The following MED27 variants were observed in gnomAD, a reference collection of about 807,000 sequenced individuals.
The protein encoded by MED27 is mediator of RNA polymerase II transcription subunit 27.
MED27 carries 30 observed loss-of-function variants against 38.2 expected under a neutral mutation model. The observed-to-expected ratio is 0.79, with a 90% confidence interval of 0.59 to 1.07. The LOEUF (loss-of-function observed/expected upper bound fraction) is 1.07. Among genes scored for constraint, MED27 ranks in the 50% least tolerant of loss-of-function variants. The pLI is 0.00. For synonymous variants in MED27, 122 were observed against 153.5 expected (o/e 0.79, Z 1.52); for missense variants, 289 against 397.5 (o/e 0.73, Z 2.32).
In MED27 at chr9:132,059,435, T is replaced by G. The variant is rs138307822; in HGVS notation, c.348+18007A>C. Among the ~76,000 whole-genome samples the G allele has an allele frequency of 7.9e-5, 12 of 152,376 alleles. No homozygotes were observed. The East Asian group carries it at 2.1e-3, about 27-fold the overall frequency. The stretch of plus-strand genomic sequence containing the variant: ...AAATTAATCAAAGTACAAATTGTGC[T>G]GGCAAGCTCTAGTGCCTAGCTTCTC... On this transcript the variant is annotated intron_variant, in intron 2 of 7. Transcript: ENST00000292035.
At chr9:131,993,335 C>T (rs1215533341) in intron 3 of MED27, among the ~76,000 whole-genome samples, 3 of 151,866 alleles carry the variant, frequency 2.0e-5, no homozygotes, top group African/African-American at 7.3e-5. Context: ...GAAATGAATA[C>T]AGGTATTCTT....
chr9:132,016,845 A>G (rs1483668840), intron 2 of MED27, among the ~76,000 whole-genome samples: 1 of 152,106 alleles, frequency 6.6e-6, no homozygotes, highest in African/African-American at 2.4e-5. Flanking sequence ...ATTTGCTCAA[A>G]CAAACAAACA....
At chr9:132,060,018 G>A (rs1454033692) in intron 2 of MED27, among the ~76,000 whole-genome samples, 3 of 152,154 alleles carry the variant, frequency 2.0e-5, no homozygotes, top group Non-Finnish European at 4.4e-5. Flanking sequence ...GGGAGGTCAA[G>A]CAACCTACCC....
At chr9:131,970,482 C>G (rs1589241510) in intron 3 of MED27, among the ~76,000 whole-genome samples, 1 of 152,228 alleles carries the variant, frequency 6.6e-6, no homozygotes, top group Admixed American at 6.5e-5. Context: ...CCCAGTACTA[C>G]AAGAGAAAAC....
At chr9:132,040,549 G>A (rs1451903256) in intron 2 of MED27, among the ~76,000 whole-genome samples, 1 of 152,228 alleles carries the variant, frequency 6.6e-6, no homozygotes, top group Non-Finnish European at 1.5e-5. Flanking sequence ...GGGCAAAAGT[G>A]TGGTGTGGAA....
At chr9:131,882,916 T>A (rs1839073521) in intron 6 of MED27, among the ~76,000 whole-genome samples, 1 of 151,912 alleles carries the variant, frequency 6.6e-6, no homozygotes, top group Non-Finnish European at 1.5e-5. Flanking sequence ...GATACTTTTT[T>A]TTTTTTTTTT....
At chr9:131,910,866 C>T (rs1416501862) in intron 4 of MED27, among the ~76,000 whole-genome samples, 2 of 152,174 alleles carry the variant, frequency 1.3e-5, no homozygotes, top group Non-Finnish European at 2.9e-5. Flanking sequence ...CATTTTCCTT[C>T]GTTCGAAAAT....
rs573681563 is a variant in MED27, at chr9:132,060,669, C to T, written c.348+16773G>A. ...ACAAAATGTTTCAAACATTTCCCAG[C>T]TGGGCGCAGTGGCTCATGCCTGTAA... On this transcript the variant is annotated intron_variant, in intron 2 of 7. Transcript: ENST00000292035. Among the ~76,000 whole-genome samples, 4 of 152,322 alleles carry T rather than the reference C, an allele frequency of 2.6e-5. No homozygotes were observed. In the South Asian group the frequency reaches 8.3e-4, roughly 32 times the overall value.
intron 4 of MED27, among the ~76,000 whole-genome samples, chr9:131,901,044 G>T (rs925499533): frequency 1.4e-5 from 2 of 143,822 alleles, no homozygotes; most frequent in African/African-American, 2.6e-5. Context: ...GAAAGAAAGA[G>T]GGGGAGAGAG....
chr9:131,866,857 T>C (rs1838745167), intron 6 of MED27, among the ~76,000 whole-genome samples: 1 of 152,222 alleles, frequency 6.6e-6, no homozygotes, highest in Non-Finnish European at 1.5e-5. Flanking sequence ...GAACTCCATG[T>C]GAAACCCTGC....
chr9:131,967,444 G>A (rs1339321745), intron 3 of MED27, among the ~76,000 whole-genome samples: 1 of 151,676 alleles, frequency 6.6e-6, no homozygotes, highest in Non-Finnish European at 1.5e-5. Flanking sequence ...TTGCACTTAC[G>A]GCAGAGTCTC....
At position 131,894,810 on chromosome 9, in the gene MED27, G is replaced by A. The variant is rs538582511; in HGVS notation, c.574-818C>T. On this transcript the variant is annotated intron_variant, in intron 4 of 7. Coordinates refer to ENST00000292035, the MANE Select transcript of MED27 (RefSeq NM_004269.4). ...CTTGAAATTTTATCCCCAATGTGGT[G>A]TTGGGAGGTGGGGCCTAGTGGGGGG... is the stretch of plus-strand genomic sequence containing the variant. Among the ~76,000 whole-genome samples the A allele has an allele frequency of 3.2e-4, 49 of 152,244 alleles. 1 individual carries two copies. The highest frequency in any genetic ancestry group is 3.1e-3 in the Admixed American group (47 of 15,296).
intron 3 of MED27, among the ~76,000 whole-genome samples, chr9:132,009,894 A>G (rs1832443835): frequency 6.6e-6 from 1 of 152,246 alleles, no homozygotes; most frequent in Non-Finnish European, 1.5e-5. Context: ...TTGTGCTTAT[A>G]ATAAAAATTT....
In MED27 at chr9:132,051,929, G is replaced by A. The variant is rs1230995307; in HGVS notation, c.348+25513C>T. On this transcript the variant is annotated intron_variant, in intron 2 of 7. Transcript: ENST00000292035. The surrounding 1 kb of genome is among the most constrained non-coding windows in gnomAD (Gnocchi z 4.2). The stretch of plus-strand genomic sequence containing the variant: ...ATTTTAACTACGATGAGAAAGTTTA[G>A]CTTATAATAGTTGATCAAAAGATGA... Among the ~76,000 whole-genome samples, 1 of 152,200 alleles carries A rather than the reference G, an allele frequency of 6.6e-6. No homozygotes were observed. The highest frequency in any genetic ancestry group is 1.5e-5 in the Non-Finnish European group (1 of 68,044).
intron 3 of MED27, among the ~76,000 whole-genome samples, chr9:131,970,991 T>C (rs541707394): frequency 6.6e-6 from 1 of 152,376 alleles, no homozygotes; most frequent in Admixed American, 6.5e-5. Context: ...ATTATAACAG[T>C]GAATGTCCTT....
chr9:131,925,787 G>T (rs116152695), intron 4 of MED27, among the ~76,000 whole-genome samples: 1 of 152,186 alleles, frequency 6.6e-6, no homozygotes, highest in South Asian at 2.1e-4. Context: ...CGGGGGCGGT[G>T]GGGGGCAATC....
intron 2 of MED27, among the ~76,000 whole-genome samples, chr9:132,067,502 GC>G (rs1469406357): frequency 1.6e-4 from 25 of 152,172 alleles, no homozygotes; most frequent in African/African-American, 5.6e-4. Flanking sequence ...AGAGATGATG[GC>G]CCCTTGGGGA....
chr9:131,864,731 C>T lies in MED27; in HGVS notation c.724-1591G>A, dbSNP rs549915877. ...CAGCTGGAGAGGCTGCCCCACAAAA[C>T]GTGAGGACGCCGGCTCTGCAGCCAG... is the stretch of plus-strand genomic sequence containing the variant. On this transcript the variant is annotated intron_variant, in intron 6 of 7. Transcript: ENST00000292035. Among the ~76,000 whole-genome samples the T allele has an allele frequency of 3.3e-5, 5 of 152,380 alleles. No homozygotes were observed. In the South Asian group the frequency reaches 1.0e-3, roughly 32 times the overall value.
At chr9:132,054,263 C>T (rs945802414) in intron 2 of MED27, among the ~76,000 whole-genome samples, 2 of 152,122 alleles carry the variant, frequency 1.3e-5, no homozygotes, top group African/African-American at 4.8e-5. Context: ...GGCACCGCCC[C>T]GCTCCTCTCA....
Sources: allele counts gnomAD v4.1 joint callset (sites outside exome capture counted in the v4.1 genomes callset), GRCh38; gene constraint gnomAD v4.1.1; non-coding constraint Gnocchi (gnomAD v3.1); transcripts MANE v1.5; gene names NCBI Gene and HGNC (gene_info 2026-07-23, HGNC 2026-07-21).